The following MORF4L1 variants were observed in gnomAD, a reference collection of about 807,000 sequenced individuals.
MORF4L1 encodes mortality factor 4 like 1.
Under a neutral mutation model 52.9 loss-of-function variants are expected in MORF4L1, and 4 were observed. That is an observed-to-expected ratio of 0.08 (90% CI 0.04 to 0.17). The LOEUF is 0.17. Ranked by LOEUF, MORF4L1 falls within the 10% of genes least tolerant of loss-of-function variation. The pLI, the probability that MORF4L1 is intolerant of heterozygous loss-of-function variation, is 1.00. For synonymous variants in MORF4L1, 123 were observed against 134.8 expected, an observed-to-expected ratio of 0.91 and a Z score of 0.61; for missense variants, 214 against 390.4, an observed-to-expected ratio of 0.55 and a Z score of 3.81.
chr15:78,891,096 G>T (rs1250812750), intron 6 of MORF4L1, 82 bp downstream of exon 6: 1 of 1,382,470 alleles, frequency 7.2e-7, no homozygotes, highest in Non-Finnish European at 9.9e-7. Flanking sequence ...ATGAAATTTT[G>T]GAGTAAGCTT....
chr15:78,873,199 C>T, intron 1 of MORF4L1, 142 bp downstream of exon 1: 3 of 1,515,936 alleles, frequency 2.0e-6, no homozygotes, highest in Non-Finnish European at 1.8e-6. Flanking sequence ...GGGGAAAGCG[C>T]ATTGCGGATG....
intron 1 of MORF4L1, 124 bp from the exon 2 acceptor site, chr15:78,878,089 A>T: frequency 1.1e-6 from 1 of 877,668 alleles, no homozygotes; most frequent in Non-Finnish European, 1.7e-6. Flanking sequence ...TGCTCTGTAT[A>T]CCCGTCCTCA....
At position 78,891,176 on chromosome 15, in the gene MORF4L1, C is replaced by G. The variant is rs961119234; in HGVS notation, c.349+162C>G. 5.6e-6 allele frequency: 5 copies of G among 894,254 alleles called. No homozygotes were observed. In the Admixed American group the frequency reaches 1.4e-4, roughly 25 times the overall value. The allele number at this position is 894,254 out of a possible 1,614,324, so 55.4% of individuals were successfully genotyped here. On this transcript the variant is annotated intron_variant, in intron 6 of 11. Transcript: ENST00000426013. Reference sequence around the variant, plus strand: ...AAAATAGGTACATGGTGGTAGAGACCTCTTTTTGCCAAGGAGAAACTTGTG... The same window carrying G: ...AAAATAGGTACATGGTGGTAGAGACGTCTTTTTGCCAAGGAGAAACTTGTG...
chr15:78,891,037 C>T (rs778391312), intron 6 of MORF4L1, 23 bp downstream of exon 6: 14 of 1,472,638 alleles, frequency 9.5e-6, no homozygotes, highest in African/African-American at 4.2e-5. Flanking sequence ...ACTTTCTTAA[C>T]GTTAATTTAT....
At chr15:78,895,844 C>T (rs998796251) in intron 11 of MORF4L1, among the ~76,000 whole-genome samples, 1 of 151,986 alleles carries the variant, frequency 6.6e-6, no homozygotes, top group Non-Finnish European at 1.5e-5. Flanking sequence ...AAAACTGCAA[C>T]GTGGACTTGA....
chr15:78,877,579 C>T (rs1245861892), intron 1 of MORF4L1, among the ~76,000 whole-genome samples: 1 of 152,214 alleles, frequency 6.6e-6, no homozygotes, highest in African/African-American at 2.4e-5. Context: ...GCTTCCAAGA[C>T]TTCCAGGTCC....
intron 5 of MORF4L1, 21 bp downstream of exon 5, chr15:78,887,370 A>G (rs748936857): frequency 6.3e-7 from 1 of 1,585,334 alleles, no homozygotes; most frequent in Non-Finnish European, 8.6e-7. Context: ...CTTTGTTTTG[A>G]TTTTGCATAC....
At chr15:78,875,022 ATTC>A (rs1387920372) in intron 1 of MORF4L1, among the ~76,000 whole-genome samples, 1 of 152,170 alleles carries the variant, frequency 6.6e-6, no homozygotes, top group African/African-American at 2.4e-5. Context: ...CAGTTATCGC[ATTC>A]TTATTTCTTC....
At position 78,892,114 on chromosome 15, in the gene MORF4L1, A is replaced by C. The variant is rs1025740681; in HGVS notation, c.439-98A>C. 5 of 713,040 alleles carry C rather than the reference A, an allele frequency of 7.0e-6. No homozygotes were observed. The East Asian group carries it at 1.4e-4, about 19-fold the overall frequency. The allele number at this position is 713,040 out of a possible 1,614,324, so 44.2% of individuals were successfully genotyped here. ...GTACAGCTGTATGCTTGGCTACTTT[A>C]AGATTTATCCCTAGTGCCTCTAAAA... On this transcript the variant is annotated intron_variant, in intron 7 of 11. Coordinates refer to ENST00000426013, the MANE Select transcript of MORF4L1 (RefSeq NM_006791.4).
At chr15:78,881,868 T>C (rs1208441346) in intron 3 of MORF4L1, among the ~76,000 whole-genome samples, 1 of 152,214 alleles carries the variant, frequency 6.6e-6, no homozygotes, top group Non-Finnish European at 1.5e-5. Flanking sequence ...ATGGGATCAG[T>C]GCCATCTGAT....
chr15:78,886,858 G>C (rs993650519), intron 4 of MORF4L1, among the ~76,000 whole-genome samples: 2 of 151,880 alleles, frequency 1.3e-5, no homozygotes, highest in Non-Finnish European at 2.9e-5. Context: ...CGGAGGCTGA[G>C]GCAGGAGAAT....
At chr15:78,874,236 A>G (rs76426232) in intron 1 of MORF4L1, among the ~76,000 whole-genome samples, 1,780 of 152,342 alleles carry the variant, frequency 0.012, 20 homozygotes, top group Non-Finnish European at 0.017. Context: ...CGATGTCTAC[A>G]TGCGTACGAT....
In MORF4L1 at chr15:78,890,870, A is replaced by G. The variant is rs960982454; in HGVS notation, c.324-119A>G. On this transcript the variant is annotated intron_variant, in intron 5 of 11. Coordinates refer to ENST00000426013, the MANE Select transcript of MORF4L1 (RefSeq NM_006791.4). ...TTGTGTCTGAGTAGGACACATATTT[A>G]CCACCTGATCCTTTATCCAAGTTAG... 7 of 980,580 alleles carry G rather than the reference A, an allele frequency of 7.1e-6. No homozygotes were observed. In the South Asian group the frequency reaches 1.4e-4, roughly 19 times the overall value. The allele number at this position is 980,580 out of a possible 1,614,324, so 60.7% of individuals were successfully genotyped here. A position where few individuals can be genotyped will look rare whatever the true frequency, so the allele number is the denominator to read the frequency against.
intron 4 of MORF4L1, 78 bp from the exon 5 acceptor site, chr15:78,887,191 C>G (rs1049857053): frequency 8.2e-7 from 1 of 1,226,398 alleles, no homozygotes. Context: ...ATGTAAATTC[C>G]TAATGGAATC....
At chr15:78,885,036 T>G (rs1311599471) in intron 3 of MORF4L1, 1 of 1,614,158 alleles carries the variant, frequency 6.2e-7, no homozygotes, top group South Asian at 1.1e-5. Flanking sequence ...CCCTTTTTCC[T>G]GTTCCTGAAG....
chr15:78,878,161 C>T (rs2056531560), intron 1 of MORF4L1, 52 bp from the exon 2 acceptor site: 20 of 1,554,054 alleles, frequency 1.3e-5, no homozygotes, highest in African/African-American at 2.8e-5. Context: ...AGATGTTAAT[C>T]TTTTTATATA....
At chr15:78,893,281 A>G (rs572820015) in intron 8 of MORF4L1, among the ~76,000 whole-genome samples, 1 of 152,342 alleles carries the variant, frequency 6.6e-6, no homozygotes, top group South Asian at 2.1e-4. Context: ...GTTTAAATAT[A>G]TAGATGCTCC....
chr15:78,887,371 T>G (rs774257984), intron 5 of MORF4L1, 22 bp downstream of exon 5: 36 of 1,581,028 alleles, frequency 2.3e-5, no homozygotes, highest in Non-Finnish European at 3.0e-5. Context: ...TTTGTTTTGA[T>G]TTTGCATACT....
Position 78,884,657 on chromosome 15 carries a change from A to G in MORF4L1, c.156-1484A>G, listed in dbSNP as rs1596245120. ...TCTGTCTCAAAAAAAAAAAAAAAAA[A>G]AATACACACACACACACACACACAC... On this transcript the variant is annotated intron_variant, in intron 3 of 11. Transcript: ENST00000426013. 5.2e-4 allele frequency among the ~76,000 whole-genome samples: 6 copies of G among 11,632 alleles called. No individual in the cohort carries two copies. The South Asian group carries it at 0.039, about 76-fold the overall frequency. The allele number at this position is 11,632 out of a possible 152,430, so 7.6% of individuals were successfully genotyped here.
Sources: allele counts gnomAD v4.1 joint callset (sites outside exome capture counted in the v4.1 genomes callset), GRCh38; gene constraint gnomAD v4.1.1; transcripts MANE v1.5; gene names NCBI Gene and HGNC (gene_info 2026-07-23, HGNC 2026-07-21).